KCNG2: variants seen among roughly 807,000 people sequenced by gnomAD.
The protein encoded by KCNG2 is voltage-gated potassium channel regulatory subunit KCNG2.
In KCNG2, 7 loss-of-function variants were observed where a neutral mutation model predicts 12.3. That is an observed-to-expected ratio of 0.57 (90% CI 0.32 to 1.07). The LOEUF (loss-of-function observed/expected upper bound fraction) is 1.07, where lower values mean the gene tolerates loss of function less well. Ranked by LOEUF, KCNG2 falls within the 50% of genes least tolerant of loss-of-function variation. KCNG2 has a pLI of 0.04. For missense variants in KCNG2, 703 were observed against 726.0 expected, an observed-to-expected ratio of 0.97 and a Z score of 0.36; for synonymous variants, 414 against 351.4, an observed-to-expected ratio of 1.18 and a Z score of -1.99.
intron 1 of KCNG2, among the ~76,000 whole-genome samples, chr18:79,842,055 G>C (rs1978475879): frequency 1.3e-5 from 2 of 152,162 alleles, no homozygotes; most frequent in South Asian, 4.1e-4. Context: ...CCAGGTGCCA[G>C]GACTGCAGCT....
At chr18:79,882,589 AG>A (rs1445481337) in intron 3 of KCNG2, among the ~76,000 whole-genome samples, 3 of 152,272 alleles carry the variant, frequency 2.0e-5, no homozygotes, top group Non-Finnish European at 4.4e-5. Context: ...AACTGTTATT[AG>A]GGAAATACAG....
At chr18:79,823,360 T>C (rs1052190865) in intron 1 of KCNG2, among the ~76,000 whole-genome samples, 2 of 152,190 alleles carry the variant, frequency 1.3e-5, no homozygotes, top group African/African-American at 4.8e-5. Flanking sequence ...ACTCCCAGAA[T>C]TGGGGTTGCA....
At chr18:79,841,127 C>T (rs1978447936) in intron 1 of KCNG2, among the ~76,000 whole-genome samples, 1 of 151,978 alleles carries the variant, frequency 6.6e-6, no homozygotes, top group South Asian at 2.1e-4. Flanking sequence ...AAAAGTCAGC[C>T]AGGCATGGTG....
At chr18:79,840,046 C>T (rs1978412694) in intron 1 of KCNG2, among the ~76,000 whole-genome samples, 1 of 152,214 alleles carries the variant, frequency 6.6e-6, no homozygotes, top group Admixed American at 6.5e-5. Context: ...TTCTTCCCCT[C>T]AGATGGAGAA....
rs1025308919 is a variant in KCNG2, at chr18:79,807,559, A to G, written c.-115+9545A>G. 9.7e-4 allele frequency among the ~76,000 whole-genome samples: 148 copies of G among 152,284 alleles called. 2 individuals carry two copies. The highest frequency in any genetic ancestry group is 2.0e-3 in the Admixed American group (30 of 15,298). On this transcript the variant is annotated intron_variant, in intron 1 of 3. Coordinates refer to ENST00000316249, the MANE Select transcript of KCNG2 (RefSeq NM_012283.2). Reference sequence around the variant, plus strand: ...CAGATGAGAAACTGGTGTGACTCCCATGTACGTGGCCCAGGCTCACTAATT... The same window carrying G: ...CAGATGAGAAACTGGTGTGACTCCCGTGTACGTGGCCCAGGCTCACTAATT...
chr18:79,876,235 G>A (rs1980065357), intron 3 of KCNG2: 1 of 152,410 alleles, frequency 6.6e-6, no homozygotes, highest in Admixed American at 6.5e-5. Context: ...CTGCCGGGCA[G>A]GCGTGATCAG....
chr18:79,802,839 T>C (rs2087421826), intron 1 of KCNG2, among the ~76,000 whole-genome samples: 1 of 152,138 alleles, frequency 6.6e-6, no homozygotes, highest in South Asian at 2.1e-4. Context: ...ATCATAGCAA[T>C]TGATGCAATG....
intron 1 of KCNG2, among the ~76,000 whole-genome samples, chr18:79,836,159 C>T (rs1381228383): frequency 1.3e-5 from 2 of 152,050 alleles, no homozygotes; most frequent in Admixed American, 1.3e-4. Flanking sequence ...ACAATATAGG[C>T]AGGTTGAAAA....
At position 79,899,384 on chromosome 18, in the gene KCNG2, G is replaced by T. The variant is rs78824236; in HGVS notation, c.969G>T (p.Gly323=). Residue 323 remains glycine, a synonymous_variant, in exon 4 of 4, where the codon GGG becomes GGT. Coordinates refer to ENST00000316249, the MANE Select transcript of KCNG2 (RefSeq NM_012283.2). ...LTMRRCAREF[G]LLLLFLCVAM... ...TGCGCCGCTGCGCGCGCGAGTTCGG[G>T]CTGCTGCTGCTGTTCCTCTGCGTGG... 2.6e-6 allele frequency: 4 copies of T among 1,565,140 alleles called. No homozygotes were observed. The highest frequency in any genetic ancestry group is 1.7e-6 in the Non-Finnish European group (2 of 1,161,476).
intron 1 of KCNG2, among the ~76,000 whole-genome samples, chr18:79,801,867 G>A (rs1312951744): frequency 1.3e-5 from 2 of 152,196 alleles, no homozygotes; most frequent in African/African-American, 4.8e-5. Context: ...CCCCGCCCTC[G>A]CATGGAGGGA....
chr18:79,852,794 G>A (rs941317185), intron 1 of KCNG2, among the ~76,000 whole-genome samples: 1 of 152,354 alleles, frequency 6.6e-6, no homozygotes, highest in East Asian at 1.9e-4. Flanking sequence ...CCTCCTGCCC[G>A]GTTCAGGGTT....
rs112040758 is a variant in KCNG2 at position 79,829,776 on chromosome 18, A to G, written c.-114-26603A>G. On this transcript the variant is annotated intron_variant, in intron 1 of 3. Transcript: ENST00000316249. ...GCTGGTGCCGGGGCAGCTCACACCCAGGGCAGCCTGGTTGGCCTTAAGACA... is the reference window on the plus strand; with the variant it reads ...GCTGGTGCCGGGGCAGCTCACACCCGGGGCAGCCTGGTTGGCCTTAAGACA... Among the ~76,000 whole-genome samples the G allele has an allele frequency of 4.9e-3, 741 of 152,292 alleles. 9 individuals are homozygous for G. Among genetic ancestry groups the G allele is most frequent in the African/African-American group, 0.017 (701 of 41,576 alleles).
intron 1 of KCNG2, among the ~76,000 whole-genome samples, chr18:79,827,067 G>A (rs939757766): frequency 6.6e-6 from 1 of 152,266 alleles, no homozygotes; most frequent in African/African-American, 2.4e-5. Flanking sequence ...CGGCGATGCA[G>A]GGGCCGGGCC....
intron 1 of KCNG2, among the ~76,000 whole-genome samples, chr18:79,834,120 G>T (rs550552096): frequency 3.9e-5 from 6 of 152,156 alleles, no homozygotes; most frequent in African/African-American, 1.4e-4. Flanking sequence ...TGTCGAGGTC[G>T]GTATCAGTGA....
intron 3 of KCNG2, among the ~76,000 whole-genome samples, chr18:79,895,366 TCA>T: frequency 6.6e-6 from 1 of 152,186 alleles, no homozygotes; most frequent in Non-Finnish European, 1.5e-5. Flanking sequence ...ATTGGATTGT[TCA>T]CTCCATTCAT....
intron 1 of KCNG2, among the ~76,000 whole-genome samples, chr18:79,806,527 A>G (rs1290622476): frequency 6.6e-6 from 1 of 152,054 alleles, no homozygotes; most frequent in South Asian, 2.1e-4. Context: ...GATCCTTCAA[A>G]TGCTTCAGTT....
At chr18:79,872,376 C>T (rs1203890143) in intron 3 of KCNG2, among the ~76,000 whole-genome samples, 1 of 141,282 alleles carries the variant, frequency 7.1e-6, no homozygotes, top group African/African-American at 2.5e-5. Context: ...ATCTCCACCT[C>T]CCGGGTTCAA....
In KCNG2 at chr18:79,819,991, T is replaced by C. The variant is rs578163831; in HGVS notation, c.-115+21977T>C. Among the ~76,000 whole-genome samples the C allele has an allele frequency of 1.8e-4, 28 of 152,312 alleles. No individual in the cohort carries two copies. The East Asian group carries it at 2.5e-3, about 14-fold the overall frequency. On this transcript the variant is annotated intron_variant, in intron 1 of 3. Transcript: ENST00000316249. The stretch of plus-strand genomic sequence containing the variant: ...CAGCTTCTCTCACTCAGCATAACGC[T>C]CTCCAGCTCCAGCCGCGCTCCGAGG...
Position 79,880,160 on chromosome 18 carries a change from T to C in KCNG2, c.624+15869T>C, listed in dbSNP as rs1390152148. 1.3e-5 allele frequency among the ~76,000 whole-genome samples: 2 copies of C among 152,064 alleles called. 1 individual carries two copies. The highest frequency in any genetic ancestry group is 1.3e-4 in the Admixed American group (2 of 15,274). Reference sequence around the variant, plus strand: ...TGTGGGAGACCCAGATTCTCAACTCTACAAAGTCACCCAAAATGTGTAACA... The same window carrying C: ...TGTGGGAGACCCAGATTCTCAACTCCACAAAGTCACCCAAAATGTGTAACA... On this transcript the variant is annotated intron_variant, in intron 3 of 3. Coordinates refer to ENST00000316249, the MANE Select transcript of KCNG2 (RefSeq NM_012283.2).
Sources: gnomAD v4.1 joint callset for allele counts (sites outside exome capture counted in the v4.1 genomes callset) on GRCh38, gnomAD v4.1.1 for gene constraint, MANE v1.5 for transcripts, NCBI Gene and HGNC (gene_info 2026-07-23, HGNC 2026-07-21) for gene names.